Variants in CCDC186 observed in about 807,000 individuals in gnomAD.
CCDC186 encodes the protein coiled-coil domain-containing protein 186.
In CCDC186, 49 loss-of-function variants were observed where a neutral mutation model predicts 113.7. The ratio of observed to expected loss-of-function variants is 0.43; its 90% CI spans 0.34 to 0.55. The LOEUF is 0.55. Among genes scored for constraint, CCDC186 ranks in the 20% least tolerant of loss-of-function variants. The probability of loss-of-function intolerance (pLI) is 0.02; values close to 1 mark genes in which losing one functional copy is unlikely to be tolerated. For synonymous variants in CCDC186, 355 were observed against 345.8 expected (o/e 1.03, Z -0.30); for missense variants, 890 against 1,011.1 (o/e 0.88, Z 1.62).
At position 114,127,611 on chromosome 10, in the gene CCDC186, A is replaced by G. The variant is rs1283680815; in HGVS notation, c.2243T>C (p.Val748Ala). The change falls in exon 14 of 16, where the codon GTA becomes GCA. Residue 748 changes from valine to alanine, a missense_variant. Transcript: ENST00000369287. The part of the protein sequence containing the change: ...DRSPENTGSS[V>A]AVDNFPQVDK... ...TACTTGTGGAAAGTTATCCACAGCT[A>G]CTGAGGACCCAGTATTTTCTGGAGA... 6.2e-7 allele frequency: 1 copy of G among 1,613,966 alleles called. No individual in the cohort carries two copies. Among genetic ancestry groups the G allele is most frequent in the Non-Finnish European group, 8.5e-7 (1 of 1,180,008 alleles).
At chr10:114,126,867 G>A (rs2030920141) in intron 14 of CCDC186, among the ~76,000 whole-genome samples, 1 of 152,208 alleles carries the variant, frequency 6.6e-6, no homozygotes, top group African/African-American at 2.4e-5. Context: ...ATTTGTGAGA[G>A]GAATTTGGCG....
chr10:114,151,569 A>G (rs2031857937), intron 3 of CCDC186, among the ~76,000 whole-genome samples: 1 of 151,576 alleles, frequency 6.6e-6, no homozygotes, highest in Non-Finnish European at 1.5e-5. Context: ...GAAATAATTC[A>G]CAAGTTTTCA....
intron 3 of CCDC186, among the ~76,000 whole-genome samples, chr10:114,154,686 C>T (rs1217807457): frequency 6.6e-6 from 1 of 152,172 alleles, no homozygotes; most frequent in African/African-American, 2.4e-5. Context: ...AAAAGTAACA[C>T]TTCCCAACTC....
rs540423411 is a variant in CCDC186 at position 114,153,434 on chromosome 10, G to A, written c.760-2214C>T. On this transcript the variant is annotated intron_variant, in intron 3 of 15. Transcript: ENST00000369287. ...AAACATAATATACCACAACTCAGGA[G>A]ACACATCTAAAGGAATGCTTAGAGG... 3.9e-5 allele frequency among the ~76,000 whole-genome samples: 6 copies of A among 152,164 alleles called. No homozygotes were observed. The South Asian group carries it at 1.0e-3, about 26-fold the overall frequency.
intron 2 of CCDC186, chr10:114,161,897 G>C (rs185205308): frequency 6.6e-6 from 1 of 152,284 alleles, no homozygotes; most frequent in Non-Finnish European, 1.5e-5. Flanking sequence ...ATGGATAAAT[G>C]AGGACATTAG....
chr10:114,128,265 C>T (rs1031228706), intron 13 of CCDC186, among the ~76,000 whole-genome samples: 2 of 152,080 alleles, frequency 1.3e-5, no homozygotes, highest in Admixed American at 6.6e-5. Flanking sequence ...TTACTTTTAC[C>T]AACATCAATG....
intron 6 of CCDC186, among the ~76,000 whole-genome samples, chr10:114,138,702 C>T (rs982055880): frequency 6.6e-6 from 1 of 152,140 alleles, no homozygotes; most frequent in African/African-American, 2.4e-5. Flanking sequence ...TCTGATCACC[C>T]CTGACTCTTT....
chr10:114,121,202 T>G lies in CCDC186; in HGVS notation c.*3941A>C, dbSNP rs2030711186. The G allele has an allele frequency of 6.6e-6, 1 of 152,194 alleles. No homozygotes were observed. The highest frequency in any genetic ancestry group is 1.5e-5 in the Non-Finnish European group (1 of 68,028). The allele number at this position is 152,194 out of a possible 1,614,324, so 9.4% of individuals were successfully genotyped here. On this transcript the variant is annotated 3_prime_UTR_variant, in exon 16 of 16. Coordinates refer to ENST00000369287, the MANE Select transcript of CCDC186 (RefSeq NM_018017.4). ...TTTCTTTGTTCATCTTTGAAAAATT[T>G]CAGGTTTCTAGTGCCACCAACTGGT... is the stretch of plus-strand genomic sequence containing the variant.
At chr10:114,162,611 AT>A in intron 2 of CCDC186, 25 bp downstream of exon 2, 2 of 1,472,028 alleles carry the variant, frequency 1.4e-6, no homozygotes, top group Non-Finnish European at 1.8e-6. Flanking sequence ...GGGAAAAAAA[AT>A]AACCTAAAGG....
At chr10:114,153,240 A>G (rs934156958) in intron 3 of CCDC186, among the ~76,000 whole-genome samples, 5 of 152,216 alleles carry the variant, frequency 3.3e-5, no homozygotes, top group Non-Finnish European at 7.3e-5. Context: ...AATTTAAAAG[A>G]TTAAAATCAT....
intron 10 of CCDC186, among the ~76,000 whole-genome samples, chr10:114,132,627 A>C (rs942980913): frequency 2.0e-4 from 31 of 152,186 alleles, no homozygotes; most frequent in African/African-American, 7.5e-4. Context: ...TATTACATGA[A>C]TGAGTGTGGA....
At position 114,139,479 on chromosome 10, in the gene CCDC186, C is replaced by T. The variant is rs193223078; in HGVS notation, c.1222-2189G>A. 1.7e-3 allele frequency among the ~76,000 whole-genome samples: 256 copies of T among 151,570 alleles called. 1 individual carries two copies. The highest frequency in any genetic ancestry group is 5.8e-3 in the African/African-American group (239 of 41,374). Reference sequence around the variant, plus strand: ...TCAGGAGGCTGAGGCAGAAGAATCGCTTGACCCTGGGAGGCAGAGGTTGCA... The same window carrying T: ...TCAGGAGGCTGAGGCAGAAGAATCGTTTGACCCTGGGAGGCAGAGGTTGCA... On this transcript the variant is annotated intron_variant, in intron 6 of 15. Transcript: ENST00000369287.
At chr10:114,162,331 T>C (rs1589631066) in intron 2 of CCDC186, 1 of 138,544 alleles carries the variant, frequency 7.2e-6, no homozygotes, top group Non-Finnish European at 1.5e-5. Flanking sequence ...TATTTCCTTT[T>C]GAGTTTCTCT....
At position 114,123,833 on chromosome 10, in the gene CCDC186, T is replaced by C. The variant is rs888722033; in HGVS notation, c.*1310A>G. Reference sequence around the variant, plus strand: ...TCCTTTGGTTACAGATATATACTTATTTTAGGTATGTGTGAGGTTTTTTGT... The same window carrying C: ...TCCTTTGGTTACAGATATATACTTACTTTAGGTATGTGTGAGGTTTTTTGT... On this transcript the variant is annotated 3_prime_UTR_variant, in exon 16 of 16. Coordinates refer to ENST00000369287, the MANE Select transcript of CCDC186 (RefSeq NM_018017.4). The C allele has an allele frequency of 3.3e-5, 5 of 152,138 alleles. No individual in the cohort carries two copies. The highest frequency in any genetic ancestry group is 1.2e-4 in the African/African-American group (5 of 41,414). 9.4% of individuals were successfully genotyped at this position (152,138 alleles called of 1,614,324 possible). A position where few individuals can be genotyped will look rare whatever the true frequency, so the allele number is the denominator to read the frequency against.
Position 114,126,575 on chromosome 10 carries a change from T to C in CCDC186, c.2394-470A>G, listed in dbSNP as rs369195854. Among the ~76,000 whole-genome samples the C allele has an allele frequency of 1.1e-3, 169 of 152,246 alleles. 4 individuals carry two copies. In the Middle Eastern group the frequency reaches 0.034, roughly 31 times the overall value. ...ATGTTGCTCAGGCTGGTTGACCTCC[T>C]AGCCTCAAGCAATCCTCCTGCCTCG... On this transcript the variant is annotated intron_variant, in intron 14 of 15. Coordinates refer to ENST00000369287, the MANE Select transcript of CCDC186 (RefSeq NM_018017.4).
chr10:114,145,728 T>C lies in CCDC186; in HGVS notation c.922A>G (p.Lys308Glu). The part of the protein sequence containing the change: ...NKKCEEARQE[K>E]EAMVMKYVRG... ...ACATATTTCATTACCATTGCTTCTT[T>C]TTCTTGGCGTGCCTCTTCACATTTC... The change falls in exon 5 of 16, where the codon AAA becomes GAA. Residue 308 changes from lysine to glutamate, a missense_variant. Coordinates refer to ENST00000369287, the MANE Select transcript of CCDC186 (RefSeq NM_018017.4). 1 of 1,600,696 alleles carries C rather than the reference T, an allele frequency of 6.2e-7. No homozygotes were observed. Among genetic ancestry groups the C allele is most frequent in the Non-Finnish European group, 8.5e-7 (1 of 1,176,914 alleles).
chr10:114,131,047 C>T, intron 12 of CCDC186, 100 bp downstream of exon 12: 1 of 1,028,218 alleles, frequency 9.7e-7, no homozygotes, highest in Non-Finnish European at 1.3e-6. Flanking sequence ...ACAAAGAAAA[C>T]ATACAGCTTC....
rs561796411 is a variant in CCDC186, at chr10:114,140,462, T to C, written c.1222-3172A>G. Reference sequence around the variant, plus strand: ...ATGGAGGAAAGGGTACATTTTTAGTTCAATTTTAGACATGTTAAGTTTAAG... The same window carrying C: ...ATGGAGGAAAGGGTACATTTTTAGTCCAATTTTAGACATGTTAAGTTTAAG... On this transcript the variant is annotated intron_variant, in intron 6 of 15. Coordinates refer to ENST00000369287, the MANE Select transcript of CCDC186 (RefSeq NM_018017.4). Among the ~76,000 whole-genome samples, 9 of 152,340 alleles carry C rather than the reference T, an allele frequency of 5.9e-5. No individual in the cohort carries two copies. In the East Asian group the frequency reaches 1.7e-3, roughly 29 times the overall value.
At position 114,139,328 on chromosome 10, in the gene CCDC186, C is replaced by T. The variant is rs566084328; in HGVS notation, c.1222-2038G>A. Among the ~76,000 whole-genome samples the T allele has an allele frequency of 2.6e-4, 39 of 151,594 alleles. 1 individual carries two copies. In the South Asian group the frequency reaches 7.3e-3, roughly 28 times the overall value. On this transcript the variant is annotated intron_variant, in intron 6 of 15. Transcript: ENST00000369287. The stretch of plus-strand genomic sequence containing the variant: ...TTGTAATCCCAGCATTTTGGGAGGC[C>T]GAGGCAGATGGATCACCTGAGGTCA...
Sources: gnomAD v4.1 joint callset for allele counts (sites outside exome capture counted in the v4.1 genomes callset) on GRCh38, gnomAD v4.1.1 for gene constraint, MANE v1.5 for transcripts, NCBI Gene and HGNC (gene_info 2026-07-23, HGNC 2026-07-21) for gene names.